DAB1: variants seen among roughly 807,000 people sequenced by gnomAD.
DAB1 encodes disabled homolog 1.
Under a neutral mutation model 64.6 loss-of-function variants are expected in DAB1, and 15 were observed. The ratio of observed to expected loss-of-function variants is 0.23; its 90% CI spans 0.16 to 0.36. The LOEUF (loss-of-function observed/expected upper bound fraction) is 0.36, where lower values mean the gene tolerates loss of function less well. DAB1 is among the 10% of genes least tolerant of loss of function. The pLI, the probability that DAB1 is intolerant of heterozygous loss-of-function variation, is 1.00. For synonymous variants in DAB1, 235 were observed against 251.9 expected, an observed-to-expected ratio of 0.93 and a Z score of 0.64; for missense variants, 596 against 706.7, an observed-to-expected ratio of 0.84 and a Z score of 1.78.
chr1:57,393,321 C>T (rs1231482782), intron 1 of DAB1, among the ~76,000 whole-genome samples: 9 of 152,152 alleles, frequency 5.9e-5, no homozygotes, highest in Admixed American at 2.0e-4. Flanking sequence ...TTGGTTTTTT[C>T]ACTTCAGCAT....
chr1:57,391,777 ACACACACACACACACACACAC>A (rs1682384512), intron 1 of DAB1, among the ~76,000 whole-genome samples: 2 of 144,796 alleles, frequency 1.4e-5, no homozygotes, highest in African/African-American at 2.7e-5. Context: ...ACACACACAC[ACACACACACACACACACACAC>A]ACACACACAC....
At chr1:57,292,869 C>T (rs56132219) in intron 1 of DAB1, among the ~76,000 whole-genome samples, 23,540 of 152,012 alleles carry the variant, frequency 0.15, 2,282 homozygotes, top group Non-Finnish European at 0.21. Flanking sequence ...ATAAATACCA[C>T]GCACACTGGG....
At chr1:57,438,039 G>C (rs924675891) in intron 7 of DAB1, among the ~76,000 whole-genome samples, 1 of 152,132 alleles carries the variant, frequency 6.6e-6, no homozygotes, top group Non-Finnish European at 1.5e-5. Context: ...TTCCATCCCA[G>C]CCCTTACAGA....
In DAB1 at chr1:57,376,343, G is replaced by A. The variant is rs1023420609; in HGVS notation, c.-137+47587C>T. 3.3e-5 allele frequency among the ~76,000 whole-genome samples: 5 copies of A among 152,310 alleles called. No homozygotes were observed. The South Asian group carries it at 8.3e-4, about 25-fold the overall frequency. On this transcript the variant is annotated intron_variant, in intron 1 of 14. Coordinates refer to ENST00000371236, the MANE Select transcript of DAB1 (RefSeq NM_001365792.1). ...TCTAGACTTAGCCTTGCACACTGCT[G>A]GGAACTGTCACAGTTAAGCTGGTGC...
intron 1 of DAB1, among the ~76,000 whole-genome samples, chr1:57,883,463 G>C (rs905593325): frequency 6.6e-6 from 1 of 152,192 alleles, no homozygotes; most frequent in Non-Finnish European, 1.5e-5. Flanking sequence ...AGGGTAATAA[G>C]GCAGAGAGCA....
intron 7 of DAB1, among the ~76,000 whole-genome samples, chr1:57,442,853 A>T (rs1466348830): frequency 6.6e-6 from 1 of 152,208 alleles, no homozygotes; most frequent in Admixed American, 6.5e-5. Context: ...AAGGATTTTG[A>T]ACATTTGGGG....
At position 57,276,491 on chromosome 1, in the gene DAB1, T is replaced by C. The variant is rs147367655; in HGVS notation, c.67+14473A>G. Among the ~76,000 whole-genome samples, 70 of 152,376 alleles carry C rather than the reference T, an allele frequency of 4.6e-4. No individual in the cohort carries two copies. In the East Asian group the frequency reaches 0.012, roughly 26 times the overall value. On this transcript the variant is annotated intron_variant, in intron 2 of 14. Coordinates refer to ENST00000371236, the MANE Select transcript of DAB1 (RefSeq NM_001365792.1). ...ACAAATGTTTAGTGAACACATATTA[T>C]GCACCTGGCCCTATGCATAACACGA...
chr1:58,533,948 C>T (rs1165375492), intron 1 of DAB1: 1 of 871,734 alleles, frequency 1.1e-6, no homozygotes, highest in Non-Finnish European at 2.0e-6. Context: ...ATTTTAGGTA[C>T]TTACAGCATG....
At chr1:57,862,374 T>C (rs765267475) in intron 1 of DAB1, 4 of 152,192 alleles carry the variant, frequency 2.6e-5, no homozygotes, top group Non-Finnish European at 4.4e-5. Flanking sequence ...TATGAAGTAT[T>C]TAAAGTTAGA....
chr1:57,113,826 ACTGACTGAAATCCAGAC>A (rs1178666098), intron 4 of DAB1, among the ~76,000 whole-genome samples: 1 of 152,190 alleles, frequency 6.6e-6, no homozygotes, highest in Non-Finnish European at 1.5e-5. Flanking sequence ...TATATATAGC[ACTGACTGAAATCCAGAC>A]CTTTCTCATT....
At chr1:58,199,876 G>A (rs1195204932) in intron 4 of DAB1, among the ~76,000 whole-genome samples, 2 of 152,174 alleles carry the variant, frequency 1.3e-5, no homozygotes, top group South Asian at 2.1e-4. Context: ...ACTCAGTCAT[G>A]CACGGACCCA....
chr1:57,624,148 G>T (rs1482263104), intron 7 of DAB1, among the ~76,000 whole-genome samples: 1 of 152,202 alleles, frequency 6.6e-6, no homozygotes, highest in African/African-American at 2.4e-5. Context: ...TGAAATGCTT[G>T]ATGCATAGTA....
intron 5 of DAB1, among the ~76,000 whole-genome samples, chr1:58,084,766 T>C (rs1382763305): frequency 6.7e-6 from 1 of 149,696 alleles, no homozygotes; most frequent in Non-Finnish European, 1.5e-5. Context: ...GAAAATTTTA[T>C]ATATTACATA....
intron 5 of DAB1, among the ~76,000 whole-genome samples, chr1:58,000,244 G>A (rs1299118016): frequency 1.3e-5 from 2 of 152,188 alleles, no homozygotes; most frequent in Non-Finnish European, 2.9e-5. Context: ...ACTTTTGGAT[G>A]TGAAATGTAC....
intron 3 of DAB1, among the ~76,000 whole-genome samples, chr1:58,471,747 C>T (rs1296648383): frequency 6.6e-6 from 1 of 152,134 alleles, no homozygotes; most frequent in African/African-American, 2.4e-5. Context: ...AAGTGTGTAG[C>T]ACCTCCCCAC....
chr1:58,128,286 C>T (rs1170943016), intron 5 of DAB1, among the ~76,000 whole-genome samples: 1 of 150,266 alleles, frequency 6.7e-6, no homozygotes, highest in Non-Finnish European at 1.5e-5. Context: ...ATAAGAATGC[C>T]TGTGATTTTT....
At chr1:57,938,594 G>C (rs10157624) in intron 5 of DAB1, among the ~76,000 whole-genome samples, 61,318 of 152,032 alleles carry the variant, frequency 0.4, 13,523 homozygotes, top group Admixed American at 0.51. Flanking sequence ...TGCCATGATT[G>C]TAAGTTTCCT....
intron 5 of DAB1, among the ~76,000 whole-genome samples, chr1:58,084,813 GTA>G (rs964737303): frequency 3.3e-5 from 5 of 149,748 alleles, no homozygotes; most frequent in Admixed American, 6.7e-5. Flanking sequence ...ACACATATGT[GTA>G]TATATATATG....
intron 2 of DAB1, among the ~76,000 whole-genome samples, chr1:57,214,926 A>AAAAAAAAAAG (rs1557954175): frequency 6.6e-6 from 1 of 150,558 alleles, no homozygotes. Flanking sequence ...AAAAAAAAAA[A>AAAAAAAAAAG]AAAAGAAAGA....
Sources: gnomAD v4.1 joint callset for allele counts (sites outside exome capture counted in the v4.1 genomes callset) on GRCh38, gnomAD v4.1.1 for gene constraint, MANE v1.5 for transcripts, NCBI Gene and HGNC (gene_info 2026-07-23, HGNC 2026-07-21) for gene names.